The following ZNF644 variants were observed in gnomAD, a reference collection of about 807,000 sequenced individuals.
ZNF644 encodes zinc finger protein 644, also known as zinc finger motif enhancer binding protein 2.
In ZNF644, 20 loss-of-function variants were observed where a neutral mutation model predicts 108.0. The ratio of observed to expected loss-of-function variants is 0.19; its 90% CI spans 0.13 to 0.27. The LOEUF (loss-of-function observed/expected upper bound fraction) is 0.27. ZNF644 is among the 10% of genes least tolerant of loss of function. The pLI is 1.00. For missense variants in ZNF644, 1,338 were observed against 1,548.9 expected (o/e 0.86, Z 2.29); for synonymous variants, 542 against 539.1 (o/e 1.01, Z -0.08).
intron 1 of ZNF644, among the ~76,000 whole-genome samples, chr1:90,987,063 T>TAA (rs61601047): frequency 2.9e-5 from 4 of 137,924 alleles, no homozygotes; most frequent in Admixed American, 1.5e-4. Flanking sequence ...CTTACATGTT[T>TAA]AAAAAAAAAA....
chr1:91,017,848 G>A (rs956545609), intron 1 of ZNF644, among the ~76,000 whole-genome samples: 1 of 152,094 alleles, frequency 6.6e-6, no homozygotes, highest in Non-Finnish European at 1.5e-5. Flanking sequence ...CGTAATCCCA[G>A]CTACTTGAGA....
At chr1:90,954,346 C>G (rs752135035) in intron 2 of ZNF644, among the ~76,000 whole-genome samples, 3 of 152,154 alleles carry the variant, frequency 2.0e-5, no homozygotes, top group Non-Finnish European at 2.9e-5. Flanking sequence ...GCTAGAGAAG[C>G]AACTTCTCAT....
chr1:90,970,534 A>C (rs1655344275), intron 2 of ZNF644, among the ~76,000 whole-genome samples: 1 of 152,176 alleles, frequency 6.6e-6, no homozygotes, highest in South Asian at 2.1e-4. Context: ...GTACTTGAAG[A>C]CTTTTTTAAA....
chr1:90,942,219 G>A (rs1652064273), intron 2 of ZNF644, among the ~76,000 whole-genome samples: 2 of 152,026 alleles, frequency 1.3e-5, no homozygotes, highest in African/African-American at 2.4e-5. Flanking sequence ...ATAAACATAT[G>A]TTTTAAATTT....
rs559745586 is a variant in ZNF644, at chr1:90,963,977, C to G, written c.44+18333G>C. On this transcript the variant is annotated intron_variant, in intron 2 of 5. Transcript: ENST00000337393. ...ATCTTTTATAGCTATATATGTGACC[C>G]TAGAAAACAATACATTACACAAATA... is the stretch of plus-strand genomic sequence containing the variant. Among the ~76,000 whole-genome samples, 3 of 152,140 alleles carry G rather than the reference C, an allele frequency of 2.0e-5. No homozygotes were observed. In the South Asian group the frequency reaches 6.2e-4, roughly 32 times the overall value.
Position 91,011,795 on chromosome 1 carries a change from T to C in ZNF644, c.-18+10195A>G, listed in dbSNP as rs965024320. 3.3e-5 allele frequency among the ~76,000 whole-genome samples: 5 copies of C among 152,146 alleles called. No homozygotes were observed. In the South Asian group the frequency reaches 1.0e-3, roughly 32 times the overall value. On this transcript the variant is annotated intron_variant, in intron 1 of 5. Transcript: ENST00000337393. The stretch of plus-strand genomic sequence containing the variant: ...ACCTATTTATTCCTACCTCTAAAAT[T>C]ACAATCAGAAATACCCAAATACCTT...
At chr1:91,016,078 A>G (rs938985923) in intron 1 of ZNF644, among the ~76,000 whole-genome samples, 18 of 152,138 alleles carry the variant, frequency 1.2e-4, no homozygotes, top group Admixed American at 1.0e-3. Flanking sequence ...GCCTCTTTAT[A>G]TATGCATAAT....
At chr1:91,016,187 G>A (rs552760918) in intron 1 of ZNF644, among the ~76,000 whole-genome samples, 2 of 152,226 alleles carry the variant, frequency 1.3e-5, no homozygotes, top group East Asian at 3.9e-4. Flanking sequence ...ACTCTGTGAA[G>A]CCTTTTACCC....
At chr1:90,943,669 A>C (rs1305948253) in intron 2 of ZNF644, among the ~76,000 whole-genome samples, 1 of 152,194 alleles carries the variant, frequency 6.6e-6, no homozygotes, top group East Asian at 1.9e-4. Flanking sequence ...CTGTGGTAAT[A>C]AAAATAGACT....
intron 2 of ZNF644, among the ~76,000 whole-genome samples, chr1:90,968,658 A>T (rs1324402115): frequency 6.6e-6 from 1 of 152,218 alleles, no homozygotes; most frequent in South Asian, 2.1e-4. Flanking sequence ...TAAATATCAC[A>T]GTAATATTTA....
chr1:90,985,754 AG>A lies in ZNF644; in HGVS notation c.-17-3385del, dbSNP rs1391460028. 2.0e-5 allele frequency among the ~76,000 whole-genome samples: 3 copies of A among 152,230 alleles called. No individual in the cohort carries two copies. The East Asian group carries it at 5.8e-4, about 29-fold the overall frequency. The stretch of plus-strand genomic sequence containing the variant: ...TTTTAGCTATTGTGAATAATGCTGT[AG>A]TGAACATGGACATGCAGATACCTCT... On this transcript the variant is annotated intron_variant, in intron 1 of 5. Coordinates refer to ENST00000337393, the MANE Select transcript of ZNF644 (RefSeq NM_201269.3).
intron 1 of ZNF644, among the ~76,000 whole-genome samples, chr1:91,001,098 C>T (rs1030114109): frequency 7.2e-5 from 11 of 152,162 alleles, no homozygotes; most frequent in African/African-American, 2.7e-4. Flanking sequence ...CCAAATTCTA[C>T]CAGAGGTACA....
intron 1 of ZNF644, among the ~76,000 whole-genome samples, chr1:91,014,731 C>T (rs1041286798): frequency 6.6e-6 from 1 of 151,428 alleles, no homozygotes; most frequent in African/African-American, 2.4e-5. Context: ...GAGAGCAATA[C>T]GACACCACTT....
chr1:90,953,965 TA>T (rs934076454), intron 2 of ZNF644, among the ~76,000 whole-genome samples: 18 of 152,114 alleles, frequency 1.2e-4, no homozygotes, highest in African/African-American at 4.1e-4. Flanking sequence ...TTTATTGCTT[TA>T]AAAAAATGCT....
chr1:91,003,300 G>A (rs911999514), intron 1 of ZNF644, among the ~76,000 whole-genome samples: 4 of 152,168 alleles, frequency 2.6e-5, no homozygotes, highest in Non-Finnish European at 5.9e-5. Flanking sequence ...ATCAATGATA[G>A]ACTGGATTAA....
intron 2 of ZNF644, among the ~76,000 whole-genome samples, chr1:90,976,339 ATGG>A (rs1656006705): frequency 6.6e-6 from 1 of 152,306 alleles, no homozygotes; most frequent in East Asian, 1.9e-4. Context: ...AACTAGTTGC[ATGG>A]TACTGGGAAT....
chr1:91,012,998 T>C (rs1241415149), intron 1 of ZNF644, among the ~76,000 whole-genome samples: 1 of 152,164 alleles, frequency 6.6e-6, no homozygotes, highest in Non-Finnish European at 1.5e-5. Flanking sequence ...TCGACTAGGC[T>C]TTGTTAGGAT....
chr1:90,937,481 T>C lies in ZNF644; in HGVS notation c.3688+4A>G, dbSNP rs1651448640. On this transcript the variant is annotated splice_donor_region_variant and intron_variant, in intron 4 of 5. Transcript: ENST00000337393. ...GTATAGCATAGTCATAAACGTCCTC[T>C]TACCTGAGTGCATAGTCAAGTCCAT... is the stretch of plus-strand genomic sequence containing the variant. The C allele has an allele frequency of 6.2e-7, 1 of 1,613,576 alleles. No individual in the cohort carries two copies. Among genetic ancestry groups the C allele is most frequent in the Admixed American group, 1.7e-5 (1 of 59,988 alleles).
intron 2 of ZNF644, among the ~76,000 whole-genome samples, chr1:90,975,366 A>G (rs1307403356): frequency 6.6e-6 from 1 of 152,108 alleles, no homozygotes; most frequent in East Asian, 1.9e-4. Flanking sequence ...TCAATAAAAT[A>G]TTAAACAAAA....
Sources: gnomAD v4.1 joint callset for allele counts (sites outside exome capture counted in the v4.1 genomes callset) on GRCh38, gnomAD v4.1.1 for gene constraint, MANE v1.5 for transcripts, NCBI Gene and HGNC (gene_info 2026-07-23, HGNC 2026-07-21) for gene names.